Variants in TFF2 observed in about 807,000 individuals in gnomAD.
The protein encoded by TFF2 is trefoil factor 2.
A neutral mutation model predicts 16.0 loss-of-function variants in TFF2; 19 were observed. The observed-to-expected ratio is 1.19, with a 90% CI of 0.83 to 1.74. The LOEUF (loss-of-function observed/expected upper bound fraction) is 1.74. Ranked by LOEUF, TFF2 falls within the 40% of genes most tolerant of loss-of-function variation. The pLI, the probability that TFF2 is intolerant of heterozygous loss-of-function variation, is 0.00. For synonymous variants in TFF2, 61 were observed against 65.4 expected, an observed-to-expected ratio of 0.93 and a Z score of 0.32; for missense variants, 168 against 166.8, an observed-to-expected ratio of 1.01 and a Z score of -0.04.
chr21:42,350,055 C>T (rs1194488558), intron 1 of TFF2, 25 bp from the exon 2 acceptor site: 3 of 1,582,510 alleles, frequency 1.9e-6, no homozygotes, highest in East Asian at 2.3e-5. Flanking sequence ...TCAGTCGGCC[C>T]CACCCTGGTA....
At chr21:42,347,416 C>G in intron 3 of TFF2, 70 bp downstream of exon 3, 1 of 1,599,276 alleles carries the variant, frequency 6.3e-7, no homozygotes, top group African/African-American at 1.3e-5. Context: ...CTCCCTGCAC[C>G]CCACCTCTAC....
rs374031608 is a variant in TFF2 at position 42,346,498 on chromosome 21, G to C, written c.*35C>G. ...TTTCTTCTTTGGTTTCGGAACACCC[G>C]GTGAGCCAGATGCATCCTCTGGAAC... On this transcript the variant is annotated 3_prime_UTR_variant, in exon 4 of 4. Transcript: ENST00000291526. The C allele has an allele frequency of 5.0e-6, 8 of 1,612,644 alleles. No individual in the cohort carries two copies. The highest frequency in any genetic ancestry group is 1.7e-5 in the Admixed American group (1 of 59,788).
In TFF2 at chr21:42,347,558, C is replaced by G. The variant is rs200682452; in HGVS notation, c.304G>C (p.Ala102Pro). ...TTGGAGAAGCAGCACTTCCGAGAGG[C>G]GCATTCCTCGGGGCTGATGCCCGGG... The part of the protein sequence containing the change: ...GYPGISPEEC[A>P]SRKCCFSNFI... Residue 102 changes from alanine (A) to proline (P), a missense_variant, in exon 3 of 4, where the codon GCC becomes CCC. Ala to Pro is a conservative substitution (Grantham distance 27). Coordinates refer to ENST00000291526, the MANE Select transcript of TFF2 (RefSeq NM_005423.5). 1.6e-4 allele frequency: 253 copies of G among 1,614,222 alleles called. 1 individual carries two copies. In the Admixed American group the frequency reaches 3.8e-3, roughly 24 times the overall value.
At chr21:42,350,192 C>T (rs1035343574) in intron 1 of TFF2, 162 bp from the exon 2 acceptor site, 62 of 1,276,710 alleles carry the variant, frequency 4.9e-5, no homozygotes, top group Admixed American at 3.6e-5. Flanking sequence ...CCTGAGAAGC[C>T]GATAGGGCTT....
At chr21:42,346,671 C>T in intron 3 of TFF2, 125 bp from the exon 4 acceptor site, 1 of 1,109,982 alleles carries the variant, frequency 9.0e-7, no homozygotes, top group South Asian at 1.6e-5. Context: ...GAGCTCCTTT[C>T]CCGGGGAGGG....
chr21:42,347,371 G>T (rs1463420650), intron 3 of TFF2, 115 bp downstream of exon 3: 2 of 1,381,434 alleles, frequency 1.4e-6, no homozygotes, highest in Non-Finnish European at 2.0e-6. Flanking sequence ...CAGGGGCCCT[G>T]GCCTCGATGG....
Position 42,350,031 on chromosome 21 carries a change from C to T in TFF2, c.80-1G>A. 1 of 1,596,258 alleles carries T rather than the reference C, an allele frequency of 6.3e-7. No homozygotes were observed. Among genetic ancestry groups the T allele is most frequent in the Non-Finnish European group, 8.5e-7 (1 of 1,171,560 alleles). ...CTCAGCCTGGAGCACTGGCAGGGGG[C>T]TGTGGAAAGACCCTCAGTCGGCCCC... On this transcript the variant is annotated splice_acceptor_variant, in intron 1 of 3. Transcript: ENST00000291526. LOFTEE classifies it high-confidence loss of function.
chr21:42,350,068 C>T, intron 1 of TFF2, 38 bp from the exon 2 acceptor site: 1 of 1,569,652 alleles, frequency 6.4e-7, no homozygotes. Flanking sequence ...CCCTGGTACC[C>T]CAGACCACAC....
At position 42,350,942 on chromosome 21, in the gene TFF2, C is replaced by T. The variant is rs142559683; in HGVS notation, c.16G>A (p.Ala6Thr). MGRRD[A>T]QLLAALLVLG... Reference sequence around the variant, plus strand: ...ACGAGGAGCGCTGCCAGGAGCTGGGCGTCTCGCCGTCCCATGTCTAGCTCA... The same window carrying T: ...ACGAGGAGCGCTGCCAGGAGCTGGGTGTCTCGCCGTCCCATGTCTAGCTCA... The change falls in exon 1 of 4, where the codon GCC (alanine) becomes ACC (threonine). Residue 6 changes from alanine (A) to threonine (T), a missense_variant. Transcript: ENST00000291526. 5.1e-5 allele frequency: 83 copies of T among 1,613,802 alleles called. No individual in the cohort carries two copies. Among genetic ancestry groups the T allele is most frequent in the Non-Finnish European group, 5.3e-5 (62 of 1,179,914 alleles).
rs150811901 is a variant in TFF2 at position 42,350,309 on chromosome 21, T to C, written c.80-279A>G. 1.2e-3 allele frequency: 665 copies of C among 551,938 alleles called. 2 individuals are homozygous for C. The highest frequency in any genetic ancestry group is 0.011 in the African/African-American group (572 of 50,116). 34.2% of individuals were successfully genotyped at this position (551,938 alleles called of 1,614,324 possible). A position where few individuals can be genotyped will look rare whatever the true frequency, so the allele number is the denominator to read the frequency against. On this transcript the variant is annotated intron_variant, in intron 1 of 3. Coordinates refer to ENST00000291526, the MANE Select transcript of TFF2 (RefSeq NM_005423.5). ...TAGGAAGCCGAGGCGGGCAGATTGC[T>C]TGAGCTCAGGAGTTCAAGACCATCC...
rs766673498 is a variant in TFF2 at position 42,347,674 on chromosome 21, G to C, written c.230-42C>G. ...ACAGCACCGAGACCCAGTCAGGCCT[G>C]CTGTGCCCTGGAAAGCTCCACCCCT... On this transcript the variant is annotated intron_variant, in intron 2 of 3. Transcript: ENST00000291526. 8 of 1,604,788 alleles carry C rather than the reference G, an allele frequency of 5.0e-6. No homozygotes were observed. In the African/African-American group the frequency reaches 8.0e-5, roughly 16 times the overall value.
chr21:42,347,517 C>T lies in TFF2; in HGVS notation c.345G>A (p.Val115=), dbSNP rs1384453110. The T allele has an allele frequency of 6.2e-7, 1 of 1,614,226 alleles. No homozygotes were observed. The highest frequency in any genetic ancestry group is 8.5e-7 in the Non-Finnish European group (1 of 1,180,032). Residue 115 remains valine, a synonymous_variant, in exon 3 of 4, where the codon GTG becomes GTA. Transcript: ENST00000291526. ...CAGACTTCGGGAAGAAGCACCAGGG[C>T]ACTTCAAAGATGAAGTTGGAGAAGC... ...KCCFSNFIFE[V]PWCFFPKSVE... is the part of the protein sequence containing the mutation.
At chr21:42,346,608 C>A in intron 3 of TFF2, 62 bp from the exon 4 acceptor site, 6 of 1,545,514 alleles carry the variant, frequency 3.9e-6, no homozygotes, top group Non-Finnish European at 5.2e-6. Context: ...GCCTAGGCTG[C>A]GAAGCTGGGG....
chr21:42,346,381 T>C lies in TFF2; in HGVS notation c.*152A>G. ...ATTTAGCAGATTTTAAGGGTTTTAT[T>C]TAAAGAAATTATATGTTAAACCATT... On this transcript the variant is annotated 3_prime_UTR_variant, in exon 4 of 4. Coordinates refer to ENST00000291526, the MANE Select transcript of TFF2 (RefSeq NM_005423.5). 1 of 1,045,342 alleles carries C rather than the reference T, an allele frequency of 9.6e-7. No homozygotes were observed. Among genetic ancestry groups the C allele is most frequent in the Non-Finnish European group, 1.4e-6 (1 of 701,998 alleles). 64.8% of individuals were successfully genotyped at this position (1,045,342 alleles called of 1,614,324 possible).
Position 42,346,395 on chromosome 21 carries a change from T to G in TFF2, c.*138A>C, listed in dbSNP as rs1360420949. 8.7e-7 allele frequency: 1 copy of G among 1,149,278 alleles called. No individual in the cohort carries two copies. 71.2% of individuals were successfully genotyped at this position (1,149,278 alleles called of 1,614,324 possible). On this transcript the variant is annotated 3_prime_UTR_variant, in exon 4 of 4. Transcript: ENST00000291526. ...AAGGGTTTTATTTAAAGAAATTATA[T>G]GTTAAACCATTGAAAATGAGGAAAA...
At chr21:42,348,268 G>A (rs773901212) in intron 2 of TFF2, among the ~76,000 whole-genome samples, 5 of 152,114 alleles carry the variant, frequency 3.3e-5, no homozygotes, top group African/African-American at 4.8e-5. Context: ...TCCTGATCCC[G>A]TGCACTAACA....
At position 42,350,000 on chromosome 21, in the gene TFF2, TG is replaced by T; in HGVS notation, c.109del (p.His37IlefsTer139). The T allele has an allele frequency of 1.2e-6, 2 of 1,600,726 alleles. No individual in the cohort carries two copies. The highest frequency in any genetic ancestry group is 1.7e-6 in the Non-Finnish European group (2 of 1,173,494). On this transcript the variant is annotated frameshift_variant, in exon 2 of 4. Coordinates refer to ENST00000291526, the MANE Select transcript of TFF2 (RefSeq NM_005423.5). LOFTEE classifies it high-confidence loss of function. ...SPCQCSRLSP[H>X]NRTNCGFPGI... ...AGGGAAGCCGCAGTTCGTCCTGTTA[TG>T]GGGGCTCAGCCTGGAGCACTGGCAG...
Position 42,346,481 on chromosome 21 carries a change from T to C in TFF2, c.*52A>G. The C allele has an allele frequency of 6.2e-7, 1 of 1,611,208 alleles. No individual in the cohort carries two copies. Among genetic ancestry groups the C allele is most frequent in the Non-Finnish European group, 8.5e-7 (1 of 1,178,036 alleles). On this transcript the variant is annotated 3_prime_UTR_variant, in exon 4 of 4. Coordinates refer to ENST00000291526, the MANE Select transcript of TFF2 (RefSeq NM_005423.5). ...AAGCTGATAAGGCGAAGTTTCTTCTTTGGTTTCGGAACACCCGGTGAGCCA... is the reference window on the plus strand; with the variant it reads ...AAGCTGATAAGGCGAAGTTTCTTCTCTGGTTTCGGAACACCCGGTGAGCCA...
At chr21:42,350,251 G>A (rs963131386) in intron 1 of TFF2, 21 of 1,084,430 alleles carry the variant, frequency 1.9e-5, no homozygotes, top group Non-Finnish European at 2.5e-5. Context: ...AAAAAGCCAG[G>A]CATGGTGGCT....
Sources: allele counts gnomAD v4.1 joint callset (sites outside exome capture counted in the v4.1 genomes callset), GRCh38; gene constraint gnomAD v4.1.1; transcripts MANE v1.5; gene names NCBI Gene and HGNC (gene_info 2026-07-23, HGNC 2026-07-21).